The following BABAM2 variants were observed in gnomAD, a reference collection of about 807,000 sequenced individuals.
BABAM2 encodes BRISC and BRCA1 A complex member 2.
In BABAM2, 31 loss-of-function variants were observed where a neutral mutation model predicts 54.7. The ratio of observed to expected loss-of-function variants is 0.57; its 90% CI spans 0.43 to 0.77. The LOEUF is 0.77. BABAM2 is among the 30% of genes least tolerant of loss of function. The pLI, the probability that BABAM2 is intolerant of heterozygous loss-of-function variation, is 0.00. For synonymous variants in BABAM2, 167 were observed against 162.9 expected (o/e 1.03, Z -0.19); for missense variants, 364 against 455.8 (o/e 0.80, Z 1.83).
At chr2:28,044,886 A>G (rs1677439426) in intron 5 of BABAM2, among the ~76,000 whole-genome samples, 1 of 152,004 alleles carries the variant, frequency 6.6e-6, no homozygotes, top group South Asian at 2.1e-4. Flanking sequence ...AAGACCGAGG[A>G]TTCCACCAGG....
chr2:28,303,148 C>T (rs943513389), intron 11 of BABAM2, among the ~76,000 whole-genome samples: 6 of 152,094 alleles, frequency 3.9e-5, no homozygotes, highest in African/African-American at 1.4e-4. Context: ...AGGTGTGAGC[C>T]ACTATTCCTG....
rs1184133058 is a variant in BABAM2 at position 27,995,435 on chromosome 2, T to A, written c.300+7348T>A. Among the ~76,000 whole-genome samples, 2 of 152,174 alleles carry A rather than the reference T, an allele frequency of 1.3e-5. No individual in the cohort carries two copies. The highest frequency in any genetic ancestry group is 4.8e-5 in the African/African-American group (2 of 41,432). On this transcript the variant is annotated intron_variant, in intron 4 of 11. Coordinates refer to ENST00000379624, the MANE Select transcript of BABAM2 (RefSeq NM_199191.3). The surrounding 1 kb of genome is among the most constrained non-coding windows in gnomAD (Gnocchi z 4.1). ...GCAGAAGAAAAATGTTTACAGGGTC[T>A]GGCCCCCGCTTCATAAACAGGGTAA...
intron 6 of BABAM2, among the ~76,000 whole-genome samples, chr2:28,084,919 C>G (rs1665507196): frequency 2.0e-5 from 3 of 152,048 alleles, no homozygotes; most frequent in African/African-American, 7.3e-5. Context: ...TCAGGCACTC[C>G]CAGCGTCATT....
chr2:28,075,375 A>T (rs1482591591), intron 6 of BABAM2, among the ~76,000 whole-genome samples: 1 of 152,196 alleles, frequency 6.6e-6, no homozygotes, highest in Non-Finnish European at 1.5e-5. Flanking sequence ...AGAGCTGTAT[A>T]ACTTTGAGGC....
intron 3 of BABAM2, among the ~76,000 whole-genome samples, chr2:27,954,160 T>C (rs953014462): frequency 1.3e-5 from 2 of 152,232 alleles, no homozygotes; most frequent in South Asian, 4.1e-4. Flanking sequence ...GTTCTTCCTT[T>C]GTACTTATGC....
chr2:28,140,967 G>A (rs1670998146), intron 7 of BABAM2, among the ~76,000 whole-genome samples: 1 of 152,122 alleles, frequency 6.6e-6, no homozygotes, highest in Non-Finnish European at 1.5e-5. Context: ...TTCCTAGCTT[G>A]CAAATGGCCA....
intron 3 of BABAM2, among the ~76,000 whole-genome samples, chr2:27,980,112 A>G (rs994866165): frequency 6.6e-6 from 1 of 152,192 alleles, no homozygotes; most frequent in Non-Finnish European, 1.5e-5. Context: ...TTCAGGGAGT[A>G]ATGAAAAATA....
intron 7 of BABAM2, among the ~76,000 whole-genome samples, chr2:28,220,631 A>G (rs1680316740): frequency 6.6e-6 from 1 of 152,150 alleles, no homozygotes; most frequent in South Asian, 2.1e-4. Context: ...AAAAAAAATA[A>G]ATAAAACAAG....
intron 2 of BABAM2, among the ~76,000 whole-genome samples, chr2:27,915,256 A>G (rs966102870): frequency 1.3e-5 from 2 of 152,128 alleles, no homozygotes; most frequent in Admixed American, 1.3e-4. Flanking sequence ...TAAGGAAAAT[A>G]GTGTTTGAGA....
chr2:28,210,795 G>T (rs1365624009), intron 7 of BABAM2, among the ~76,000 whole-genome samples: 2 of 152,166 alleles, frequency 1.3e-5, no homozygotes, highest in East Asian at 3.9e-4. Flanking sequence ...CCTTAAAAAT[G>T]AATCTCCAAA....
intron 4 of BABAM2, among the ~76,000 whole-genome samples, chr2:28,001,434 C>T (rs1047032699): frequency 3.9e-5 from 6 of 152,276 alleles, no homozygotes; most frequent in African/African-American, 1.4e-4. Context: ...TTATTGAATA[C>T]CTCATATTTA....
chr2:28,091,081 C>G (rs1666117986), intron 6 of BABAM2, among the ~76,000 whole-genome samples: 1 of 151,936 alleles, frequency 6.6e-6, no homozygotes, highest in Non-Finnish European at 1.5e-5. Flanking sequence ...TTATACTACC[C>G]TTATAAATTG....
At chr2:28,249,926 C>T (rs1322110641) in intron 10 of BABAM2, among the ~76,000 whole-genome samples, 2 of 152,176 alleles carry the variant, frequency 1.3e-5, no homozygotes, top group African/African-American at 2.4e-5. Context: ...AGCCACCACA[C>T]CCAGCTTCTT....
At position 28,183,496 on chromosome 2, in the gene BABAM2, A is replaced by G. The variant is rs539395704; in HGVS notation, c.681-53706A>G. ...CCTCAATGTAAATGAAGGTCATATA[A>G]TAGTGAGGCCTGAAGTAAGCGAGCA... On this transcript the variant is annotated intron_variant, in intron 7 of 11. Coordinates refer to ENST00000379624, the MANE Select transcript of BABAM2 (RefSeq NM_199191.3). Among the ~76,000 whole-genome samples the G allele has an allele frequency of 3.9e-5, 6 of 152,300 alleles. No homozygotes were observed. The East Asian group carries it at 9.6e-4, about 24-fold the overall frequency.
intron 10 of BABAM2, among the ~76,000 whole-genome samples, chr2:28,258,997 G>A (rs111238849): frequency 6.4e-5 from 8 of 125,544 alleles, no homozygotes; most frequent in East Asian, 2.6e-4. Context: ...GGATGGTCTC[G>A]ATCTCTTGTC....
At chr2:28,338,097 GACTGCGTGGTTCAATTGCACACAC>G in intron 11 of BABAM2, among the ~76,000 whole-genome samples, 1 of 152,354 alleles carries the variant, frequency 6.6e-6, no homozygotes, top group Non-Finnish European at 1.5e-5. Context: ...ATCACTAAAT[GACTGCGTGGTTCAATTGCACACAC>G]ACTGTCTTGT....
chr2:28,070,336 G>A lies in BABAM2; in HGVS notation c.570+24537G>A, dbSNP rs368036629. On this transcript the variant is annotated intron_variant, in intron 6 of 11. Transcript: ENST00000379624. ...GTAACCTGCAAGTTTTTATCTTTGA[G>A]CATTCCTACTATAATGCCCCATGCA... is the stretch of plus-strand genomic sequence containing the variant. Among the ~76,000 whole-genome samples, 18 of 152,208 alleles carry A rather than the reference G, an allele frequency of 1.2e-4. 1 individual carries two copies. The highest frequency in any genetic ancestry group is 4.3e-4 in the African/African-American group (18 of 41,538).
intron 5 of BABAM2, among the ~76,000 whole-genome samples, chr2:28,036,892 G>C (rs559579497): frequency 6.6e-6 from 1 of 152,254 alleles, no homozygotes; most frequent in South Asian, 2.1e-4. Context: ...TGCCAGTCTA[G>C]TCAAAATAGA....
chr2:27,980,424 C>A (rs965219672), intron 3 of BABAM2, among the ~76,000 whole-genome samples: 2 of 152,156 alleles, frequency 1.3e-5, no homozygotes, highest in African/African-American at 4.8e-5. Flanking sequence ...CTGTATAACT[C>A]CCCAGGTGTC....
Sources: allele counts gnomAD v4.1 joint callset (sites outside exome capture counted in the v4.1 genomes callset), GRCh38; gene constraint gnomAD v4.1.1; non-coding constraint Gnocchi (gnomAD v3.1); transcripts MANE v1.5; gene names NCBI Gene and HGNC (gene_info 2026-07-23, HGNC 2026-07-21).